Variants in PDZD2 observed in about 807,000 individuals in gnomAD.
The protein encoded by PDZD2 is PDZ domain-containing protein 2.
A neutral mutation model predicts 220.7 loss-of-function variants in PDZD2; 90 were observed. The observed-to-expected ratio is 0.41, with a 90% confidence interval of 0.34 to 0.49. PDZD2 has a LOEUF of 0.49. PDZD2 is among the 20% of genes least tolerant of loss of function. The pLI is 0.28. For missense variants in PDZD2, 3,174 were observed against 3,608.5 expected (o/e 0.88, Z 3.08); for synonymous variants, 1,375 against 1,450.5 (o/e 0.95, Z 1.18).
At chr5:32,056,467 C>T (rs1041482580) in intron 10 of PDZD2, among the ~76,000 whole-genome samples, 2 of 152,206 alleles carry the variant, frequency 1.3e-5, no homozygotes, top group Non-Finnish European at 2.9e-5. Context: ...GTTCTTCTCT[C>T]TGGGGCATCT....
In PDZD2 at chr5:32,083,920, G is replaced by A. The variant is rs926046919; in HGVS notation, c.3683-3211G>A. 2.0e-5 allele frequency among the ~76,000 whole-genome samples: 3 copies of A among 152,068 alleles called. No homozygotes were observed. Among genetic ancestry groups the A allele is most frequent in the African/African-American group, 7.2e-5 (3 of 41,412 alleles). ...TCGAACTCCTGACCTCAAGTGATCT[G>A]CCTGGCCTCAGCATCCCAAAGTGCT... On this transcript the variant is annotated intron_variant, in intron 19 of 24. Coordinates refer to ENST00000438447, the MANE Select transcript of PDZD2 (RefSeq NM_178140.4). This position sits in a 1 kb window ranked among gnomAD's most constrained non-coding sequence, Gnocchi z 4.1.
intron 2 of PDZD2, among the ~76,000 whole-genome samples, chr5:31,871,848 CAG>C (rs1738826896): frequency 6.7e-6 from 1 of 150,272 alleles, no homozygotes; most frequent in Non-Finnish European, 1.5e-5. Context: ...TGTTTTGAAT[CAG>C]AGTCTTGCTC....
intron 1 of PDZD2, among the ~76,000 whole-genome samples, chr5:31,718,413 G>C (rs1045762937): frequency 6.6e-6 from 1 of 152,216 alleles, no homozygotes; most frequent in African/African-American, 2.4e-5. Flanking sequence ...CTGAAAGAAA[G>C]GCATCTTAGT....
Position 32,092,852 on chromosome 5 carries a change from A to C in PDZD2, c.7728-55A>C, listed in dbSNP as rs978174096. On this transcript the variant is annotated intron_variant, in intron 20 of 24. Transcript: ENST00000438447. ...GATCATTTTAAATGCATTCTTATAA[A>C]ATGAAGAAATTGCTTTTTTCTTTAA... 56 of 858,582 alleles carry C rather than the reference A, an allele frequency of 6.5e-5. No homozygotes were observed. In the Admixed American group the frequency reaches 1.2e-3, roughly 19 times the overall value. 53.2% of individuals were successfully genotyped at this position (858,582 alleles called of 1,614,324 possible).
chr5:31,807,812 G>T (rs1754830887), intron 2 of PDZD2, among the ~76,000 whole-genome samples: 1 of 152,136 alleles, frequency 6.6e-6, no homozygotes, highest in Non-Finnish European at 1.5e-5. Context: ...GAGGGGGCTG[G>T]GGGGCTCAGG....
intron 1 of PDZD2, among the ~76,000 whole-genome samples, chr5:31,641,780 C>T (rs567650577): frequency 1.3e-3 from 204 of 152,256 alleles, no homozygotes; most frequent in South Asian, 4.1e-3. Context: ...TGAGTCACTG[C>T]GCCCAACCTG....
intron 18 of PDZD2, 143 bp downstream of exon 18, chr5:32,074,786 T>G (rs187998519): frequency 1.9e-5 from 12 of 629,772 alleles, no homozygotes; most frequent in Middle Eastern, 4.3e-4. Flanking sequence ...GTCAGTCACT[T>G]AAATACCTGG....
chr5:32,096,566 G>C (rs111716122), intron 21 of PDZD2, among the ~76,000 whole-genome samples: 1 of 152,166 alleles, frequency 6.6e-6, no homozygotes, highest in South Asian at 2.1e-4. Context: ...TGATCCGCCC[G>C]CCTTGGCCTC....
chr5:32,086,843 A>ATTTT lies in PDZD2; in HGVS notation c.3683-266_3683-263dup, dbSNP rs10710224. Among the ~76,000 whole-genome samples, 134 of 85,198 alleles carry ATTTT rather than the reference A, an allele frequency of 1.6e-3. 3 individuals are homozygous for ATTTT. The highest frequency in any genetic ancestry group is 0.014 in the Middle Eastern group (2 of 138). The allele number at this position is 85,198 out of a possible 152,430, so 55.9% of individuals were successfully genotyped here. ...AGGTGCCCACCCCCATGCCCAGCTA[A>ATTTT]TTTTTTTTTTTTTTTTTTTTTTTTT... On this transcript the variant is annotated intron_variant, in intron 19 of 24. Transcript: ENST00000438447.
At chr5:31,996,551 C>G (rs1751653119) in intron 4 of PDZD2, among the ~76,000 whole-genome samples, 1 of 152,098 alleles carries the variant, frequency 6.6e-6, no homozygotes, top group South Asian at 2.1e-4. Context: ...ACTAAACTTA[C>G]AAAGACGTGA....
intron 24 of PDZD2, among the ~76,000 whole-genome samples, chr5:32,102,776 G>A (rs1165808434): frequency 6.6e-6 from 1 of 151,820 alleles, no homozygotes; most frequent in African/African-American, 2.4e-5. Context: ...GAAGGAGCAA[G>A]CAAATATGTA....
intron 14 of PDZD2, among the ~76,000 whole-genome samples, chr5:32,069,041 G>A (rs1204878646): frequency 6.6e-6 from 1 of 152,148 alleles, no homozygotes; most frequent in African/African-American, 2.4e-5. Flanking sequence ...GCCGAGGTGG[G>A]TGGACCACAA....
chr5:31,751,010 A>G (rs1750928665), intron 1 of PDZD2, among the ~76,000 whole-genome samples: 1 of 152,236 alleles, frequency 6.6e-6, no homozygotes, highest in Middle Eastern at 3.4e-3. Context: ...TGGGAGGCCA[A>G]GGCAGGTGGA....
intron 3 of PDZD2, among the ~76,000 whole-genome samples, chr5:31,988,930 T>G (rs920602350): frequency 2.6e-5 from 4 of 152,198 alleles, no homozygotes; most frequent in Non-Finnish European, 5.9e-5. Flanking sequence ...ATTAGCCATC[T>G]CCTCTTCGGT....
At chr5:31,707,437 C>T (rs1747885581) in intron 1 of PDZD2, among the ~76,000 whole-genome samples, 1 of 152,154 alleles carries the variant, frequency 6.6e-6, no homozygotes. Context: ...CAGGAAGTGA[C>T]AAGCCAGGAG....
At chr5:31,663,854 G>GGTGT (rs376879069) in intron 1 of PDZD2, among the ~76,000 whole-genome samples, 405 of 149,832 alleles carry the variant, frequency 2.7e-3, no homozygotes, top group African/African-American at 8.9e-3. Context: ...GGAAGTTTAG[G>GGTGT]GTGTGTGTGT....
intron 3 of PDZD2, among the ~76,000 whole-genome samples, chr5:31,986,015 C>T (rs1017263444): frequency 1.0e-4 from 14 of 138,722 alleles, no homozygotes; most frequent in African/African-American, 3.2e-4. Flanking sequence ...GCGGAGGTTG[C>T]GGTGAGCCAA....
intron 2 of PDZD2, among the ~76,000 whole-genome samples, chr5:31,881,875 TG>T (rs1364257419): frequency 3.3e-5 from 5 of 151,794 alleles, no homozygotes; most frequent in African/African-American, 1.2e-4. Flanking sequence ...TCACCATGCC[TG>T]GCTAATTCCT....
intron 2 of PDZD2, among the ~76,000 whole-genome samples, chr5:31,891,562 G>A (rs1196475102): frequency 6.6e-6 from 1 of 152,088 alleles, no homozygotes; most frequent in Non-Finnish European, 1.5e-5. Context: ...TGATCCGCCC[G>A]CCTCTGCCTC....
Sources: allele counts gnomAD v4.1 joint callset (sites outside exome capture counted in the v4.1 genomes callset), GRCh38; gene constraint gnomAD v4.1.1; non-coding constraint Gnocchi (gnomAD v3.1); transcripts MANE v1.5; gene names NCBI Gene and HGNC (gene_info 2026-07-23, HGNC 2026-07-21).